The following CCNJL variants were observed in gnomAD, a reference collection of about 807,000 sequenced individuals.
CCNJL encodes cyclin-J-like protein.
A neutral mutation model predicts 33.4 loss-of-function variants in CCNJL; 33 were observed. That is an observed-to-expected ratio of 0.99 (90% CI 0.75 to 1.32). CCNJL has a LOEUF of 1.32. Ranked by LOEUF, CCNJL falls within the 40% of genes most tolerant of loss-of-function variation. The pLI, the probability that CCNJL is intolerant of heterozygous loss-of-function variation, is 0.00. For synonymous variants in CCNJL, 227 were observed against 220.9 expected (o/e 1.03, Z -0.24); for missense variants, 512 against 499.7 (o/e 1.02, Z -0.23).
chr5:160,317,427 C>A (rs1763392429), upstream of CCNJL, among the ~76,000 whole-genome samples: 1 of 152,174 alleles, frequency 6.6e-6, no homozygotes, highest in African/African-American at 2.4e-5. Context: ...TATCGTTGAA[C>A]CTGTGTTTTG....
chr5:160,276,809 A>G (rs112753368), intron 3 of CCNJL, among the ~76,000 whole-genome samples: 6,535 of 151,826 alleles, frequency 0.043, 464 homozygotes, highest in African/African-American at 0.15. Context: ...TTTGAGACAG[A>G]GTCTTGTTCT....
chr5:160,297,314 CAAG>C (rs1250736117), intron 2 of CCNJL, among the ~76,000 whole-genome samples: 1 of 152,140 alleles, frequency 6.6e-6, no homozygotes, highest in Non-Finnish European at 1.5e-5. Context: ...ACAACCAAGC[CAAG>C]AAGATGGCCC....
chr5:160,339,001 C>T (rs1269200029), intron 1 of CCNJL, among the ~76,000 whole-genome samples: 1 of 152,048 alleles, frequency 6.6e-6, no homozygotes, highest in African/African-American at 2.4e-5. Flanking sequence ...GTTGGCCAGG[C>T]CGGTCTCGAA....
Position 160,324,943 on chromosome 5 carries a change from T to C in CCNJL, n.207-9438A>G, listed in dbSNP as rs575481531. On this transcript the variant is annotated intron_variant and non_coding_transcript_variant, in intron 1 of 7. Transcript: ENST00000377503. ...AGAATACGAGCAGCCAAACCTTTTC[T>C]CCCTTTGCAAGGGTATATGCTTCCA... Among the ~76,000 whole-genome samples the C allele has an allele frequency of 1.6e-3, 238 of 152,330 alleles. 1 individual carries two copies. Among genetic ancestry groups the C allele is most frequent in the African/African-American group, 5.4e-3 (225 of 41,572 alleles).
At chr5:160,320,825 CTTT>C (rs1382124392) in intron 1 of CCNJL, among the ~76,000 whole-genome samples, 34 of 116,626 alleles carry the variant, frequency 2.9e-4, no homozygotes, top group African/African-American at 2.9e-4. Context: ...TTCTTTCTTT[CTTT>C]CTTTCTTTCT....
intron 2 of CCNJL, among the ~76,000 whole-genome samples, chr5:160,309,216 T>G (rs972434601): frequency 2.0e-5 from 3 of 152,198 alleles, no homozygotes; most frequent in Non-Finnish European, 2.9e-5. Flanking sequence ...TTAGAGAGGT[T>G]AAATGAGCAG....
rs1469117017 is a variant in CCNJL, at chr5:160,280,640, G to C, written c.165C>G (p.Leu55=). ...CGGCCAGGTGCCGGGCTGCAGGGCA[G>C]AGCTGGCAGTGGCTGCTCAGCAGGG... is the stretch of plus-strand genomic sequence containing the variant. ...ILTLLSSHCQ[L]CPAARHLAVY... Residue 55 remains leucine (L), a synonymous_variant, in exon 3 of 6, where the codon CTC becomes CTG. Transcript: ENST00000257536. 11 of 1,613,576 alleles carry C rather than the reference G, an allele frequency of 6.8e-6. No homozygotes were observed. Among genetic ancestry groups the C allele is most frequent in the South Asian group, 1.1e-5 (1 of 91,078 alleles).
chr5:160,283,495 G>A (rs1288593910), intron 2 of CCNJL, among the ~76,000 whole-genome samples: 1 of 152,120 alleles, frequency 6.6e-6, no homozygotes, highest in Non-Finnish European at 1.5e-5. Context: ...TTTTAATTTT[G>A]TGGGTACATA....
upstream of CCNJL, among the ~76,000 whole-genome samples, chr5:160,313,887 C>T (rs754536215): frequency 1.6e-4 from 24 of 152,186 alleles, no homozygotes; most frequent in Non-Finnish European, 1.3e-4. Context: ...GGGGGGATGG[C>T]GGGGCGCGGT....
chr5:160,291,484 C>T (rs950775464), intron 2 of CCNJL, among the ~76,000 whole-genome samples: 1 of 152,190 alleles, frequency 6.6e-6, no homozygotes, highest in Non-Finnish European at 1.5e-5. Context: ...TGAATTTATC[C>T]ACAGGACACT....
chr5:160,257,599 G>A (rs1309357766), intron 4 of CCNJL, among the ~76,000 whole-genome samples: 4 of 152,044 alleles, frequency 2.6e-5, no homozygotes, highest in Non-Finnish European at 5.9e-5. Context: ...GATAGCTTGA[G>A]CCCAGGAGTT....
intron 3 of CCNJL, among the ~76,000 whole-genome samples, chr5:160,278,002 G>C (rs1762076331): frequency 6.6e-6 from 1 of 151,998 alleles, no homozygotes; most frequent in South Asian, 2.1e-4. Context: ...CTGCCTCCCG[G>C]GTTCAAGCGA....
At chr5:160,302,082 C>T (rs779391485) in intron 2 of CCNJL, among the ~76,000 whole-genome samples, 95 of 152,258 alleles carry the variant, frequency 6.2e-4, no homozygotes, top group Admixed American at 3.3e-3. Flanking sequence ...TGTCAAAACT[C>T]ACTGTACACT....
intron 4 of CCNJL, chr5:160,258,512 A>C (rs1761171431): frequency 1.3e-6 from 2 of 1,496,474 alleles, no homozygotes; most frequent in Non-Finnish European, 9.3e-7. Flanking sequence ...TATGAAGAGG[A>C]AAATTTCTAC....
chr5:160,303,496 G>A (rs995080255), intron 2 of CCNJL, among the ~76,000 whole-genome samples: 4 of 149,916 alleles, frequency 2.7e-5, no homozygotes, highest in Non-Finnish European at 5.9e-5. Context: ...GTAAGCCACT[G>A]CACTCGGCCG....
rs760851064 is a variant in CCNJL, at chr5:160,253,785, CGTT to C, written c.754_756del (p.Asn252del). 732 of 1,515,414 alleles carry C rather than the reference CGTT, an allele frequency of 4.8e-4. 1 individual carries two copies. The highest frequency in any genetic ancestry group is 6.3e-4 in the Non-Finnish European group (713 of 1,136,260). The allele number at this position is 1,515,414 out of a possible 1,614,324, so 93.9% of individuals were successfully genotyped here. Reference sequence around the variant, plus strand: ...TTGACGGCTACGGCATCCTTGAGGACGTTGTCATACACTCTGAAACGAGAAGAC... The same window carrying C: ...TTGACGGCTACGGCATCCTTGAGGACGTCATACACTCTGAAACGAGAAGAC... On this transcript the variant is annotated inframe_deletion, in exon 6 of 6. Coordinates refer to ENST00000257536, the MANE Select transcript of CCNJL (RefSeq NM_001308173.3).
chr5:160,329,715 C>T (rs564979266), intron 1 of CCNJL, among the ~76,000 whole-genome samples: 67 of 152,296 alleles, frequency 4.4e-4, no homozygotes, highest in African/African-American at 1.6e-3. Flanking sequence ...CTTGTTTCTA[C>T]TTTCTTCAGC....
intron 1 of CCNJL, among the ~76,000 whole-genome samples, chr5:160,331,449 C>T (rs1763607256): frequency 6.6e-6 from 1 of 151,790 alleles, no homozygotes; most frequent in African/African-American, 2.4e-5. Flanking sequence ...TGGTCTTCAT[C>T]TCCTGACCTC....
In CCNJL at chr5:160,255,723, C is replaced by A. The variant is rs777905348; in HGVS notation, c.584-15G>T. Reference sequence around the variant, plus strand: ...GAATATGTGATCTGAAAGAAAGCCACGGAGGGAGTCAGCATCCAAATCCTC... The same window carrying A: ...GAATATGTGATCTGAAAGAAAGCCAAGGAGGGAGTCAGCATCCAAATCCTC... On this transcript the variant is annotated splice_polypyrimidine_tract_variant and intron_variant, in intron 4 of 5. Coordinates refer to ENST00000257536, the MANE Select transcript of CCNJL (RefSeq NM_001308173.3). The A allele has an allele frequency of 6.2e-7, 1 of 1,611,562 alleles. No homozygotes were observed. Among genetic ancestry groups the A allele is most frequent in the Non-Finnish European group, 8.5e-7 (1 of 1,179,018 alleles).
Sources: allele counts gnomAD v4.1 joint callset (sites outside exome capture counted in the v4.1 genomes callset), GRCh38; gene constraint gnomAD v4.1.1; transcripts MANE v1.5; gene names NCBI Gene and HGNC (gene_info 2026-07-23, HGNC 2026-07-21).